The following TRIM49 variants were observed in gnomAD, a reference collection of about 807,000 sequenced individuals.
TRIM49 encodes the protein tripartite motif containing 49, also known as tripartite motif-containing protein 49.
Under a neutral mutation model 27.4 loss-of-function variants are expected in TRIM49, and 5 were observed. The observed-to-expected ratio is 0.18, with a 90% confidence interval of 0.10 to 0.38. TRIM49 has a LOEUF of 0.38. Among genes scored for constraint, TRIM49 ranks in the 10% least tolerant of loss-of-function variants. TRIM49 has a pLI of 1.00. For missense variants in TRIM49, 188 were observed against 487.5 expected (o/e 0.39, Z 5.79); for synonymous variants, 69 against 166.0 (o/e 0.42, Z 4.49).
chr11:89,798,539 T>C lies in TRIM49; in HGVS notation c.950A>G (p.Asp317Gly). 6.4e-7 allele frequency: 1 copy of C among 1,572,218 alleles called. No individual in the cohort carries two copies. The highest frequency in any genetic ancestry group is 8.6e-7 in the Non-Finnish European group (1 of 1,167,506). The change falls in exon 8 of 8, where the codon GAT (aspartate) becomes GGT (glycine). Residue 317 changes from aspartate to glycine, a missense_variant. Asp to Gly is a moderately conservative substitution (Grantham distance 94). Transcript: ENST00000329758. Reference protein sequence around the residue: ...RSMCIGCDHQDVPYFTATPRS... With the variant: ...RSMCIGCDHQGVPYFTATPRS... The stretch of plus-strand genomic sequence containing the variant: ...AGGTGTTGCAGTGAAATAGGGTACA[T>C]CTTGATGGTCACATCCAATACACAT...
chr11:89,793,327 C>T (rs1264925722), downstream of TRIM49, among the ~76,000 whole-genome samples: 1 of 152,120 alleles, frequency 6.6e-6, no homozygotes, highest in African/African-American at 2.4e-5. Context: ...GGTACCATTC[C>T]TTCTGAAACT....
At chr11:89,800,461 G>T (rs1408555565) in intron 6 of TRIM49, among the ~76,000 whole-genome samples, 1 of 151,638 alleles carries the variant, frequency 6.6e-6, no homozygotes, top group South Asian at 2.1e-4. Flanking sequence ...ACAAAATCAG[G>T]GGCCGGGCGC....
intron 4 of TRIM49, 56 bp downstream of exon 4, chr11:89,803,642 G>T (rs1288325440): frequency 1.4e-6 from 1 of 713,354 alleles, no homozygotes; most frequent in East Asian, 2.7e-5. Flanking sequence ...TATTTTAAGA[G>T]TCACCCATTT....
the TRIM49 span, among the ~76,000 whole-genome samples, chr11:89,783,369 G>A: frequency 8.3e-5 from 8 of 96,512 alleles, no homozygotes; most frequent in Admixed American, 4.6e-4. Flanking sequence ...TTTCCAAAAT[G>A]TACGTAACAA....
At chr11:89,796,958 T>C (rs1419400774), downstream of TRIM49, among the ~76,000 whole-genome samples, 17 of 150,824 alleles carry the variant, frequency 1.1e-4, no homozygotes, top group African/African-American at 3.9e-4. Context: ...GAAATGCTAA[T>C]AGTCAGTTTC....
the TRIM49 span, chr11:89,768,963 G>A: frequency 2.4e-6 from 1 of 409,590 alleles, no homozygotes; most frequent in South Asian, 1.9e-5. Context: ...TGGATCACCT[G>A]AGGTCAGGAT....
At chr11:89,803,539 T>C in intron 4 of TRIM49, 159 bp downstream of exon 4, 2 of 1,344,000 alleles carry the variant, frequency 1.5e-6, no homozygotes, top group Non-Finnish European at 2.0e-6. Flanking sequence ...CATACTATTC[T>C]ATATAAAAAT....
At chr11:89,773,151 A>C in the TRIM49 span, among the ~76,000 whole-genome samples, 1 of 136,484 alleles carries the variant, frequency 7.3e-6, no homozygotes. Context: ...AGATCATGCC[A>C]TTGCACTCCA....
chr11:89,791,089 C>T, the TRIM49 span, among the ~76,000 whole-genome samples: 3 of 149,044 alleles, frequency 2.0e-5, no homozygotes, highest in South Asian at 2.1e-4. Context: ...AGGAGAACTA[C>T]GTGATGAATG....
intron 3 of TRIM49, 115 bp from the exon 4 acceptor site, chr11:89,803,908 T>A: frequency 1.3e-6 from 1 of 760,308 alleles, no homozygotes; most frequent in Non-Finnish European, 2.1e-6. Flanking sequence ...TCCCTTCATG[T>A]TTGTCAAAGC....
At chr11:89,806,580 G>A (rs1471921763) in intron 2 of TRIM49, among the ~76,000 whole-genome samples, 2 of 150,416 alleles carry the variant, frequency 1.3e-5, no homozygotes, top group African/African-American at 2.5e-5. Flanking sequence ...TACCATATTA[G>A]GTCTTATAAA....
the TRIM49 span, among the ~76,000 whole-genome samples, chr11:89,785,117 G>A: frequency 6.8e-6 from 1 of 147,080 alleles, no homozygotes; most frequent in Non-Finnish European, 1.5e-5. Flanking sequence ...TTTTATGGAG[G>A]CTGAGGCAGG....
At chr11:89,800,484 C>CT (rs1355351998) in intron 6 of TRIM49, among the ~76,000 whole-genome samples, 2 of 151,528 alleles carry the variant, frequency 1.3e-5, no homozygotes, top group African/African-American at 4.9e-5. Flanking sequence ...TGGTTCACGC[C>CT]TGTAATCCCA....
the TRIM49 span, among the ~76,000 whole-genome samples, chr11:89,770,433 G>A: frequency 3.6e-5 from 5 of 138,972 alleles, 2 homozygotes; most frequent in African/African-American, 1.6e-4. Flanking sequence ...TATTTTTAAT[G>A]TAGTTATCAC....
At chr11:89,791,301 C>T in the TRIM49 span, among the ~76,000 whole-genome samples, 2,449 of 151,958 alleles carry the variant, frequency 0.016, 19 homozygotes, top group Middle Eastern at 0.024. Flanking sequence ...AGTATGGATA[C>T]GAGTTGGAAA....
intron 1 of TRIM49, among the ~76,000 whole-genome samples, chr11:89,807,541 T>C (rs1215040778): frequency 6.6e-6 from 1 of 150,616 alleles, no homozygotes; most frequent in Non-Finnish European, 1.5e-5. Flanking sequence ...CAGGCATTCC[T>C]CTAAGTGCAC....
intron 2 of TRIM49, among the ~76,000 whole-genome samples, chr11:89,805,827 C>T (rs1949785636): frequency 6.7e-6 from 1 of 149,056 alleles, no homozygotes; most frequent in East Asian, 2.0e-4. Context: ...GAGCGATTCT[C>T]CTGCATCAGG....
At position 89,804,307 on chromosome 11, in the gene TRIM49, A is replaced by G. The variant is rs766319609; in HGVS notation, c.163T>C (p.Cys55Arg). 1.5e-5 allele frequency: 24 copies of G among 1,611,956 alleles called. 1 individual carries two copies. In the East Asian group the frequency reaches 5.4e-4, roughly 36 times the overall value. Residue 55 changes from cysteine (C) to arginine (R), a missense_variant, in exon 3 of 8, where the codon TGC becomes CGC. Coordinates refer to ENST00000329758, the MANE Select transcript of TRIM49 (RefSeq NM_020358.2). ...DIPFLVQCSECTKSTEQINLK... is the reference protein window; with the variant it reads ...DIPFLVQCSERTKSTEQINLK... ...TTTATCTGCTCGGTTGACTTTGTGC[A>G]TTCAGAGCACTGGACAAGAAATGGG...
chr11:89,773,661 C>T, the TRIM49 span, among the ~76,000 whole-genome samples: 8 of 136,654 alleles, frequency 5.9e-5, 1 homozygote, highest in East Asian at 1.3e-3. Flanking sequence ...GCATGTGGCC[C>T]GGTGCAGTGG....
Sources: gnomAD v4.1 joint callset for allele counts (sites outside exome capture counted in the v4.1 genomes callset) on GRCh38, gnomAD v4.1.1 for gene constraint, MANE v1.5 for transcripts, NCBI Gene and HGNC (gene_info 2026-07-23, HGNC 2026-07-21) for gene names.